Variants in IL1RAPL1 observed in about 807,000 individuals in gnomAD.
The protein encoded by IL1RAPL1 is interleukin-1 receptor accessory protein-like 1.
IL1RAPL1 carries 3 observed loss-of-function variants against 48.4 expected under a neutral mutation model. The observed-to-expected ratio is 0.06, with a 90% CI of 0.03 to 0.16. The LOEUF (loss-of-function observed/expected upper bound fraction) is 0.16, where lower values mean the gene tolerates loss of function less well. IL1RAPL1 is among the 10% of genes least tolerant of loss of function. The pLI is 1.00. For missense variants in IL1RAPL1, 349 were observed against 530.6 expected (o/e 0.66, Z 3.36); for synonymous variants, 185 against 187.7 (o/e 0.99, Z 0.12).
At chrX:29,168,153 A>G (rs1271415972) in intron 2 of IL1RAPL1, among the ~76,000 whole-genome samples, 7 of 110,422 alleles carry the variant, frequency 6.3e-5, no homozygotes, top group Non-Finnish European at 1.3e-4. Context: ...GTAATTATAT[A>G]CACCAATTTA....
rs577178953 is a variant in IL1RAPL1 at position 28,821,746 on chromosome X, G to A, written c.82+32321G>A. ...TGCATGTAAAGATAATGCGTACCAC[G>A]GTGTAAGGGCCAGAAATTGGGTGAA... On this transcript the variant is annotated intron_variant, in intron 2 of 10. Transcript: ENST00000378993. 6.5e-4 allele frequency among the ~76,000 whole-genome samples: 72 copies of A among 111,203 alleles called. 1 individual carries two copies. The highest frequency in any genetic ancestry group is 1.2e-3 in the Non-Finnish European group (64 of 52,941).
rs761169737 is a variant in IL1RAPL1 at position 29,563,311 on chromosome X, A to G, written c.704-105119A>G. Among the ~76,000 whole-genome samples, 4 of 111,870 alleles carry G rather than the reference A, an allele frequency of 3.6e-5. No individual in the cohort carries two copies. In the East Asian group the frequency reaches 8.4e-4, roughly 23 times the overall value. ...TTCCAAGTAATTTAATTTTTGTCCCAATTGAATTTTAAGAATAGAGCTAAA... is the reference window on the plus strand; with the variant it reads ...TTCCAAGTAATTTAATTTTTGTCCCGATTGAATTTTAAGAATAGAGCTAAA... On this transcript the variant is annotated intron_variant, in intron 5 of 10. Coordinates refer to ENST00000378993, the MANE Select transcript of IL1RAPL1 (RefSeq NM_014271.4).
intron 2 of IL1RAPL1, among the ~76,000 whole-genome samples, chrX:28,880,352 C>G (rs1434278271): frequency 1.8e-5 from 2 of 111,994 alleles, no homozygotes; most frequent in Admixed American, 9.5e-5. Context: ...GTAAGAAATT[C>G]TTAGTAACTA....
chrX:29,655,018 CT>C (rs1399254167), intron 5 of IL1RAPL1, among the ~76,000 whole-genome samples: 5 of 111,450 alleles, frequency 4.5e-5, no homozygotes, highest in Non-Finnish European at 9.4e-5. Context: ...TTCTAGAATG[CT>C]TACCTTTTTT....
intron 5 of IL1RAPL1, among the ~76,000 whole-genome samples, chrX:29,634,296 C>T (rs954888096): frequency 2.7e-5 from 3 of 110,985 alleles, no homozygotes; most frequent in African/African-American, 9.9e-5. Context: ...GATCAATGTC[C>T]CCACTCTGGG....
At chrX:29,725,001 A>T (rs1927738593) in intron 6 of IL1RAPL1, among the ~76,000 whole-genome samples, 1 of 111,404 alleles carries the variant, frequency 9.0e-6, no homozygotes, top group African/African-American at 3.3e-5. Flanking sequence ...TTTTGAAAAG[A>T]AGCTTGATGA....
At chrX:29,418,440 T>A (rs898300057) in intron 5 of IL1RAPL1, among the ~76,000 whole-genome samples, 4 of 110,676 alleles carry the variant, frequency 3.6e-5, no homozygotes, top group Non-Finnish European at 7.5e-5. Context: ...AAATAAAATA[T>A]ATTTTAAACC....
intron 2 of IL1RAPL1, among the ~76,000 whole-genome samples, chrX:29,276,568 C>T: frequency 1.2e-5 from 1 of 86,706 alleles, no homozygotes; most frequent in South Asian, 4.1e-4. Flanking sequence ...TTTAAGTGAA[C>T]AGTTATTTAG....
intron 2 of IL1RAPL1, among the ~76,000 whole-genome samples, chrX:29,248,923 A>C (rs946191389): frequency 8.9e-6 from 1 of 112,263 alleles, no homozygotes; most frequent in African/African-American, 3.2e-5. Flanking sequence ...TGACATATAC[A>C]TCAATGGAGG....
chrX:29,462,044 C>T (rs721603), intron 5 of IL1RAPL1, among the ~76,000 whole-genome samples: 12,390 of 111,515 alleles, frequency 0.11, 1,139 homozygotes, highest in African/African-American at 0.32. Context: ...GCATAGAATA[C>T]TGTTATATGA....
Position 28,886,958 on chromosome X carries a change from A to G in IL1RAPL1, c.82+97533A>G, listed in dbSNP as rs1467966445. On this transcript the variant is annotated intron_variant, in intron 2 of 10. Coordinates refer to ENST00000378993, the MANE Select transcript of IL1RAPL1 (RefSeq NM_014271.4). ...CTATCTTTTAGGAAATTACAGAGTAAAATAAGTTATTTACTTTAGGTACAG... is the reference window on the plus strand; with the variant it reads ...CTATCTTTTAGGAAATTACAGAGTAGAATAAGTTATTTACTTTAGGTACAG... Among the ~76,000 whole-genome samples the G allele has an allele frequency of 4.5e-5, 5 of 112,092 alleles. No homozygotes were observed. In the Admixed American group the frequency reaches 4.7e-4, roughly 11 times the overall value.
chrX:29,652,372 C>G (rs1203865707), intron 5 of IL1RAPL1, among the ~76,000 whole-genome samples: 1 of 110,958 alleles, frequency 9.0e-6, no homozygotes, highest in Admixed American at 9.6e-5. Context: ...GTTTAACCTA[C>G]AAGTTGACAT....
chrX:29,387,578 T>C (rs971036560), intron 3 of IL1RAPL1, among the ~76,000 whole-genome samples: 1 of 112,255 alleles, frequency 8.9e-6, no homozygotes, highest in African/African-American at 3.2e-5. Flanking sequence ...TAGGATGAAA[T>C]AAGAAGATCA....
intron 5 of IL1RAPL1, among the ~76,000 whole-genome samples, chrX:29,424,653 G>A (rs1466567250): frequency 9.0e-6 from 1 of 111,695 alleles, no homozygotes; most frequent in African/African-American, 3.3e-5. Flanking sequence ...GAAGCAGGGT[G>A]GTTCTGTGCA....
At chrX:28,724,503 T>C (rs6630739) in intron 1 of IL1RAPL1, among the ~76,000 whole-genome samples, 6,855 of 110,883 alleles carry the variant, frequency 0.062, 429 homozygotes, top group East Asian at 0.33. Context: ...GCACGTGAGA[T>C]GGGTCTCCTG....
At chrX:29,079,986 C>T (rs942384323) in intron 2 of IL1RAPL1, among the ~76,000 whole-genome samples, 6 of 111,577 alleles carry the variant, frequency 5.4e-5, no homozygotes, top group African/African-American at 9.8e-5. Context: ...TGAAGGAAAA[C>T]GGAGTGGTGT....
chrX:29,021,880 A>C (rs1227707812), intron 2 of IL1RAPL1, among the ~76,000 whole-genome samples: 1 of 111,368 alleles, frequency 9.0e-6, no homozygotes, highest in African/African-American at 3.3e-5. Context: ...CTTGACATAC[A>C]CTCACTCTTT....
At chrX:29,317,874 G>A (rs1932775677) in intron 3 of IL1RAPL1, among the ~76,000 whole-genome samples, 1 of 111,443 alleles carries the variant, frequency 9.0e-6, no homozygotes, top group South Asian at 3.7e-4. Flanking sequence ...ATAATCCTGC[G>A]AGGTAACATT....
At chrX:29,308,198 C>T (rs1291713247) in intron 3 of IL1RAPL1, among the ~76,000 whole-genome samples, 1 of 111,965 alleles carries the variant, frequency 8.9e-6, no homozygotes, top group Non-Finnish European at 1.9e-5. Context: ...GAAACATTCT[C>T]TCTTTTTCCC....
Sources: allele counts gnomAD v4.1 joint callset (sites outside exome capture counted in the v4.1 genomes callset), GRCh38; gene constraint gnomAD v4.1.1; transcripts MANE v1.5; gene names NCBI Gene and HGNC (gene_info 2026-07-23, HGNC 2026-07-21).